DAB1: variants seen among roughly 807,000 people sequenced by gnomAD.
DAB1 encodes the protein disabled homolog 1.
In DAB1, 15 loss-of-function variants were observed where a neutral mutation model predicts 64.6. The observed-to-expected ratio is 0.23, with a 90% CI of 0.16 to 0.36. The LOEUF (loss-of-function observed/expected upper bound fraction) is 0.36. Among genes scored for constraint, DAB1 ranks in the 10% least tolerant of loss-of-function variants. The pLI is 1.00. For synonymous variants in DAB1, 235 were observed against 251.9 expected (o/e 0.93, Z 0.64); for missense variants, 596 against 706.7 (o/e 0.84, Z 1.78).
chr1:57,538,649 AC>A (rs1391820243), intron 7 of DAB1, among the ~76,000 whole-genome samples: 1 of 152,180 alleles, frequency 6.6e-6, no homozygotes, highest in African/African-American at 2.4e-5. Context: ...GCACATGAGA[AC>A]AGAGAGCAGG....
chr1:57,374,802 G>T (rs34591213), intron 1 of DAB1, among the ~76,000 whole-genome samples: 3,015 of 152,244 alleles, frequency 0.02, 38 homozygotes, highest in South Asian at 0.025. Context: ...TGGCCTGTGC[G>T]TCAGTATTTT....
intron 5 of DAB1, chr1:58,048,337 GT>G: frequency 9.5e-7 from 1 of 1,055,692 alleles, no homozygotes. Context: ...AAAACTGATT[GT>G]TTTAATTGCC....
intron 1 of DAB1, among the ~76,000 whole-genome samples, chr1:57,832,135 G>T (rs1422550597): frequency 6.6e-6 from 1 of 152,180 alleles, no homozygotes. Flanking sequence ...GTGATCTGAG[G>T]CAGGAAGAGC....
At chr1:58,530,635 A>C (rs1245972881) in intron 1 of DAB1, 1 of 872,696 alleles carries the variant, frequency 1.1e-6, no homozygotes, top group African/African-American at 1.6e-5. Flanking sequence ...CTGGCACAAA[A>C]GTGCCAAGCT....
chr1:57,508,810 TAG>T (rs1026986326), intron 7 of DAB1, among the ~76,000 whole-genome samples: 49 of 152,154 alleles, frequency 3.2e-4, no homozygotes, highest in African/African-American at 1.2e-3. Context: ...AGAATCTTAT[TAG>T]AGTACAAATG....
intron 6 of DAB1, among the ~76,000 whole-genome samples, chr1:57,820,728 A>G (rs557067787): frequency 6.6e-6 from 1 of 152,310 alleles, no homozygotes; most frequent in South Asian, 2.1e-4. Context: ...CAGCTACTGA[A>G]CACAGACATC....
chr1:57,433,333 C>A (rs1341254010), intron 7 of DAB1, among the ~76,000 whole-genome samples: 2 of 151,994 alleles, frequency 1.3e-5, no homozygotes, highest in African/African-American at 4.8e-5. Flanking sequence ...CTCTAGTAAT[C>A]AAAACCTTAT....
At chr1:58,380,674 G>A (rs1347653190) in intron 3 of DAB1, among the ~76,000 whole-genome samples, 1 of 152,182 alleles carries the variant, frequency 6.6e-6, no homozygotes, top group Non-Finnish European at 1.5e-5. Flanking sequence ...GCATGAAGGA[G>A]AGTGTCATTC....
chr1:58,208,310 A>G (rs1056926860), intron 4 of DAB1, among the ~76,000 whole-genome samples: 2 of 152,130 alleles, frequency 1.3e-5, no homozygotes, highest in African/African-American at 4.8e-5. Context: ...AATTAATTTA[A>G]TAGGTTTTGG....
chr1:57,638,919 G>GGAACTTTATAAAGTTCTTCATAAA, intron 7 of DAB1, among the ~76,000 whole-genome samples: 1 of 151,878 alleles, frequency 6.6e-6, no homozygotes, highest in Admixed American at 6.6e-5. Flanking sequence ...GATAAGGCCA[G>GGAACTTTATAAAGTTCTTCATAAA]GAACTTTATA....
At chr1:57,289,124 A>C (rs913339378) in intron 2 of DAB1, among the ~76,000 whole-genome samples, 6 of 152,168 alleles carry the variant, frequency 3.9e-5, no homozygotes, top group Non-Finnish European at 1.5e-5. Flanking sequence ...GGACATGAAG[A>C]TGAGGAGGTT....
intron 5 of DAB1, among the ~76,000 whole-genome samples, chr1:57,975,307 T>C (rs1308190392): frequency 2.0e-5 from 3 of 152,178 alleles, no homozygotes; most frequent in East Asian, 3.9e-4. Flanking sequence ...TACAGTAGCC[T>C]GAACTCACTA....
intron 7 of DAB1, among the ~76,000 whole-genome samples, chr1:57,578,850 T>C (rs1354456749): frequency 1.3e-5 from 2 of 152,232 alleles, no homozygotes; most frequent in Admixed American, 1.3e-4. Context: ...TCTGACTTCC[T>C]TTCTAATTCT....
intron 4 of DAB1, among the ~76,000 whole-genome samples, chr1:58,202,575 T>G (rs568438571): frequency 6.6e-6 from 1 of 152,338 alleles, no homozygotes; most frequent in South Asian, 2.1e-4. Flanking sequence ...AAATAAGAAT[T>G]CTATTAATAC....
At chr1:58,164,713 G>C (rs1655731567) in intron 4 of DAB1, among the ~76,000 whole-genome samples, 1 of 152,130 alleles carries the variant, frequency 6.6e-6, no homozygotes, top group African/African-American at 2.4e-5. Flanking sequence ...CTTAGGCCTG[G>C]ACACTACCTC....
At chr1:57,056,259 G>C (rs1424667529) in intron 9 of DAB1, among the ~76,000 whole-genome samples, 1 of 151,356 alleles carries the variant, frequency 6.6e-6, no homozygotes, top group East Asian at 1.9e-4. Flanking sequence ...AGTGCTTTGG[G>C]AGACCAAGGT....
intron 5 of DAB1, among the ~76,000 whole-genome samples, chr1:58,022,720 C>G (rs542768004): frequency 8.7e-4 from 132 of 152,238 alleles, no homozygotes; most frequent in Non-Finnish European, 1.5e-3. Flanking sequence ...ATGAGTATTT[C>G]CTCTAAACTA....
At chr1:58,230,480 C>T (rs1659724267) in intron 4 of DAB1, among the ~76,000 whole-genome samples, 1 of 152,148 alleles carries the variant, frequency 6.6e-6, no homozygotes, top group Non-Finnish European at 1.5e-5. Flanking sequence ...CTTCCTTGTG[C>T]TTAGAAAAAA....
intron 6 of DAB1, among the ~76,000 whole-genome samples, chr1:57,757,216 T>TG (rs1648855486): frequency 7.9e-6 from 1 of 127,088 alleles, no homozygotes; most frequent in Admixed American, 7.8e-5. Context: ...TTTTTTTTTT[T>TG]TTTTAGCAGC....
Sources: allele counts gnomAD v4.1 joint callset (sites outside exome capture counted in the v4.1 genomes callset), GRCh38; gene constraint gnomAD v4.1.1; transcripts MANE v1.5; gene names NCBI Gene and HGNC (gene_info 2026-07-23, HGNC 2026-07-21).